The following GPR176 variants were observed in gnomAD, a reference collection of about 807,000 sequenced individuals.
The protein encoded by GPR176 is G protein-coupled receptor 176, also known as G-protein coupled receptor 176.
In GPR176, 26 loss-of-function variants were observed where a neutral mutation model predicts 35.4. That is an observed-to-expected ratio of 0.74 (90% CI 0.54 to 1.02). The LOEUF is 1.02. GPR176 is among the 50% of genes least tolerant of loss of function. GPR176 has a pLI of 0.00. For missense variants in GPR176, 597 were observed against 665.3 expected, an observed-to-expected ratio of 0.90 and a Z score of 1.13; for synonymous variants, 278 against 271.3, an observed-to-expected ratio of 1.02 and a Z score of -0.24.
chr15:39,906,241 G>A (rs533225774), intron 1 of GPR176, among the ~76,000 whole-genome samples: 1 of 152,086 alleles, frequency 6.6e-6, no homozygotes, highest in African/African-American at 2.4e-5. Context: ...GGCTTCCTTG[G>A]CTGCAGTCAA....
chr15:39,896,313 C>T (rs1255165453), intron 1 of GPR176, among the ~76,000 whole-genome samples: 3 of 152,206 alleles, frequency 2.0e-5, no homozygotes, highest in Non-Finnish European at 4.4e-5. Context: ...AATTCCTGGC[C>T]TCAAGCCATC....
At chr15:39,867,572 A>G (rs184548741) in intron 1 of GPR176, among the ~76,000 whole-genome samples, 1 of 152,206 alleles carries the variant, frequency 6.6e-6, no homozygotes, top group African/African-American at 2.4e-5. Context: ...GGGCCAAAGG[A>G]GGATTTTAGG....
chr15:39,839,054 T>C (rs1409275179), intron 1 of GPR176, among the ~76,000 whole-genome samples: 1 of 152,100 alleles, frequency 6.6e-6, no homozygotes, highest in Non-Finnish European at 1.5e-5. Flanking sequence ...AAAACGGCCA[T>C]ACTGCCCAAG....
intron 1 of GPR176, among the ~76,000 whole-genome samples, chr15:39,856,436 C>T (rs1393812318): frequency 1.1e-4 from 16 of 152,136 alleles, no homozygotes; most frequent in Admixed American, 9.8e-4. Flanking sequence ...GTCAGGAATA[C>T]AAGAGTAGTT....
chr15:39,806,301 A>T (rs1365622073), intron 2 of GPR176, among the ~76,000 whole-genome samples: 1 of 152,238 alleles, frequency 6.6e-6, no homozygotes, highest in Admixed American at 6.5e-5. Flanking sequence ...TTGCTTACTT[A>T]ATTCAATTCT....
intron 1 of GPR176, among the ~76,000 whole-genome samples, chr15:39,832,944 C>T (rs1281958165): frequency 3.3e-5 from 5 of 152,178 alleles, no homozygotes; most frequent in African/African-American, 1.2e-4. Flanking sequence ...TAAGGGCACA[C>T]TCAGATGATC....
rs182954875 is a variant in GPR176, at chr15:39,880,417, C to A, written c.172+39438G>T. ...CCTATATGGCACTCCTCTTCTTAAACCTGCTTGTTAAAAGGTCCACTCTAC... is the reference window on the plus strand; with the variant it reads ...CCTATATGGCACTCCTCTTCTTAAAACTGCTTGTTAAAAGGTCCACTCTAC... On this transcript the variant is annotated intron_variant, in intron 1 of 2. Transcript: ENST00000561100. 8.6e-3 allele frequency among the ~76,000 whole-genome samples: 1,313 copies of A among 152,250 alleles called. 5 individuals carry two copies. Among genetic ancestry groups the A allele is most frequent in the Non-Finnish European group, 0.012 (839 of 68,024 alleles).
chr15:39,901,804 T>G (rs1039443400), intron 1 of GPR176, among the ~76,000 whole-genome samples: 8 of 151,952 alleles, frequency 5.3e-5, no homozygotes, highest in African/African-American at 1.9e-4. Context: ...CCTGGCACGG[T>G]GGCTCACACC....
intron 1 of GPR176, among the ~76,000 whole-genome samples, chr15:39,901,637 A>C (rs1475976535): frequency 6.6e-6 from 1 of 151,920 alleles, no homozygotes; most frequent in Admixed American, 6.6e-5. Context: ...TCCCTTCCCA[A>C]CTCTCCTGGC....
At chr15:39,893,763 C>A (rs1302680147) in intron 1 of GPR176, among the ~76,000 whole-genome samples, 2 of 143,774 alleles carry the variant, frequency 1.4e-5, no homozygotes, top group Non-Finnish European at 3.1e-5. Context: ...CCGGGCGGGG[C>A]GGCTGGCCAG....
Position 39,862,835 on chromosome 15 carries a change from T to C in GPR176, c.173-55577A>G, listed in dbSNP as rs275745. Among the ~76,000 whole-genome samples the C allele has an allele frequency of 3.9e-3, 583 of 150,646 alleles. 4 individuals carry two copies. The highest frequency in any genetic ancestry group is 0.013 in the African/African-American group (544 of 40,594). On this transcript the variant is annotated intron_variant, in intron 1 of 2. Coordinates refer to ENST00000561100, the MANE Select transcript of GPR176 (RefSeq NM_007223.3). The stretch of plus-strand genomic sequence containing the variant: ...ACCACATTATACTTTTAATCTTTAT[T>C]TTAGAGTGTATCTCATATATATATA...
intron 1 of GPR176, among the ~76,000 whole-genome samples, chr15:39,858,068 G>C (rs1461601190): frequency 2.6e-5 from 4 of 152,078 alleles, no homozygotes; most frequent in Admixed American, 2.6e-4. Context: ...AGACCTGGGG[G>C]CCAGGGTTTT....
chr15:39,814,263 A>G (rs1899753999), intron 1 of GPR176, among the ~76,000 whole-genome samples: 1 of 152,138 alleles, frequency 6.6e-6, no homozygotes, highest in Non-Finnish European at 1.5e-5. Context: ...TCTATTGATT[A>G]TATCTCTTAA....
At chr15:39,816,515 C>T (rs1899916454) in intron 1 of GPR176, among the ~76,000 whole-genome samples, 2 of 152,114 alleles carry the variant, frequency 1.3e-5, no homozygotes, top group Admixed American at 1.3e-4. Flanking sequence ...TTAAAAACCA[C>T]ACAAGGTTAT....
At chr15:39,882,305 C>T (rs541968669) in intron 1 of GPR176, among the ~76,000 whole-genome samples, 57 of 152,278 alleles carry the variant, frequency 3.7e-4, no homozygotes, top group African/African-American at 9.6e-5. Flanking sequence ...TACATATCAA[C>T]GGCATGCAAT....
intron 1 of GPR176, among the ~76,000 whole-genome samples, chr15:39,816,059 AC>A (rs1471720663): frequency 6.6e-6 from 1 of 152,196 alleles, no homozygotes; most frequent in Non-Finnish European, 1.5e-5. Flanking sequence ...AAAGACAAAG[AC>A]CACATGATCA....
Position 39,799,918 on chromosome 15 carries a change from G to A in GPR176, c.*1214C>T, listed in dbSNP as rs1249970405. 1 of 152,258 alleles carries A rather than the reference G, an allele frequency of 6.6e-6. No homozygotes were observed. The highest frequency in any genetic ancestry group is 6.5e-5 in the Admixed American group (1 of 15,286). 9.4% of individuals were successfully genotyped at this position (152,258 alleles called of 1,614,324 possible). ...AGTGAAGAGCTCATCTGGGTCAGAT[G>A]TTGCCTTGGCACTCTACAATGATTA... On this transcript the variant is annotated 3_prime_UTR_variant, in exon 3 of 3. Coordinates refer to ENST00000561100, the MANE Select transcript of GPR176 (RefSeq NM_007223.3).
At position 39,889,486 on chromosome 15, in the gene GPR176, G is replaced by A. The variant is rs1418888182; in HGVS notation, c.172+30369C>T. Among the ~76,000 whole-genome samples the A allele has an allele frequency of 6.6e-5, 10 of 151,876 alleles. No homozygotes were observed. The East Asian group carries it at 1.7e-3, about 26-fold the overall frequency. ...CACTTGAACCCAGGAGGTGGAGGTT[G>A]CAGTGAGCTGAGATTGTGCCATTGC... On this transcript the variant is annotated intron_variant, in intron 1 of 2. Coordinates refer to ENST00000561100, the MANE Select transcript of GPR176 (RefSeq NM_007223.3).
At chr15:39,908,859 C>A (rs2033497844) in intron 1 of GPR176, among the ~76,000 whole-genome samples, 1 of 152,160 alleles carries the variant, frequency 6.6e-6, no homozygotes, top group African/African-American at 2.4e-5. Context: ...CATTCCTGGT[C>A]TAATCCTCAT....
Sources: gnomAD v4.1 joint callset for allele counts (sites outside exome capture counted in the v4.1 genomes callset) on GRCh38, gnomAD v4.1.1 for gene constraint, MANE v1.5 for transcripts, NCBI Gene and HGNC (gene_info 2026-07-23, HGNC 2026-07-21) for gene names.